PLPP4: variants seen among roughly 807,000 people sequenced by gnomAD.
PLPP4 encodes phospholipid phosphatase 4.
A neutral mutation model predicts 32.2 loss-of-function variants in PLPP4; 20 were observed. That is an observed-to-expected ratio of 0.62 (90% CI 0.44 to 0.90). PLPP4 has a LOEUF of 0.90. Among genes scored for constraint, PLPP4 ranks in the 40% least tolerant of loss-of-function variants. The pLI, the probability that PLPP4 is intolerant of heterozygous loss-of-function variation, is 0.00. For missense variants in PLPP4, 257 were observed against 353.1 expected (o/e 0.73, Z 2.18); for synonymous variants, 127 against 133.0 (o/e 0.95, Z 0.31).
intron 1 of PLPP4, among the ~76,000 whole-genome samples, chr10:120,465,140 G>C (rs984026576): frequency 6.6e-6 from 1 of 152,192 alleles, no homozygotes; most frequent in African/African-American, 2.4e-5. Flanking sequence ...TTCAATGATA[G>C]CATTTGTAAA....
intron 3 of PLPP4, among the ~76,000 whole-genome samples, chr10:120,515,317 T>C (rs978825580): frequency 1.3e-5 from 2 of 152,228 alleles, no homozygotes; most frequent in African/African-American, 4.8e-5. Flanking sequence ...GCCTTGCCTC[T>C]TCTCCTCACA....
At chr10:120,489,505 C>T (rs768630776) in intron 1 of PLPP4, among the ~76,000 whole-genome samples, 1 of 152,168 alleles carries the variant, frequency 6.6e-6, no homozygotes, top group Non-Finnish European at 1.5e-5. Flanking sequence ...TCACACTGCA[C>T]AACTGCGGTA....
intron 1 of PLPP4, among the ~76,000 whole-genome samples, chr10:120,470,333 T>G (rs927674101): frequency 6.6e-6 from 1 of 152,250 alleles, no homozygotes; most frequent in Non-Finnish European, 1.5e-5. Context: ...TTATGCCTTA[T>G]AAATACTAAT....
At chr10:120,528,073 T>TG (rs1178259794) in intron 5 of PLPP4, among the ~76,000 whole-genome samples, 20 of 130,202 alleles carry the variant, frequency 1.5e-4, no homozygotes, top group African/African-American at 5.8e-4. Context: ...CTCTCCGTTT[T>TG]TTTTTTTTTT....
chr10:120,522,118 A>T (rs1846180503), intron 5 of PLPP4, among the ~76,000 whole-genome samples: 1 of 152,198 alleles, frequency 6.6e-6, no homozygotes, highest in African/African-American at 2.4e-5. Context: ...ACCATCTTGA[A>T]TAGGACAGGC....
At chr10:120,518,585 C>T (rs1442075162) in intron 3 of PLPP4, among the ~76,000 whole-genome samples, 1 of 152,152 alleles carries the variant, frequency 6.6e-6, no homozygotes, top group Non-Finnish European at 1.5e-5. Context: ...AAATTTCAGT[C>T]AAGGAGGAGA....
intron 5 of PLPP4, among the ~76,000 whole-genome samples, chr10:120,527,663 G>A (rs1398859376): frequency 6.6e-6 from 1 of 152,076 alleles, no homozygotes; most frequent in African/African-American, 2.4e-5. Flanking sequence ...TAATGCATTC[G>A]TTGTAGAGGA....
At chr10:120,534,055 G>T (rs181733341) in intron 5 of PLPP4, among the ~76,000 whole-genome samples, 2 of 152,200 alleles carry the variant, frequency 1.3e-5, no homozygotes, top group East Asian at 1.9e-4. Flanking sequence ...AACTTTATTG[G>T]TGTTCTTTGT....
chr10:120,560,679 C>T (rs1848392312), intron 5 of PLPP4, among the ~76,000 whole-genome samples: 1 of 152,090 alleles, frequency 6.6e-6, no homozygotes, highest in Non-Finnish European at 1.5e-5. Context: ...CATTTGAACC[C>T]ATGAGGCAGA....
At chr10:120,461,375 C>T (rs989813294) in intron 1 of PLPP4, among the ~76,000 whole-genome samples, 25 of 152,192 alleles carry the variant, frequency 1.6e-4, no homozygotes, top group Admixed American at 3.3e-4. Flanking sequence ...AAGATGATGA[C>T]GATCTCATGT....
chr10:120,479,174 C>T (rs1247941850), intron 1 of PLPP4, among the ~76,000 whole-genome samples: 4 of 151,992 alleles, frequency 2.6e-5, no homozygotes, highest in East Asian at 1.9e-4. Flanking sequence ...TGCAGTGAGC[C>T]GAGACTGTGC....
At chr10:120,481,191 G>A (rs1372964066) in intron 1 of PLPP4, among the ~76,000 whole-genome samples, 3 of 152,210 alleles carry the variant, frequency 2.0e-5, no homozygotes, top group Non-Finnish European at 1.5e-5. Context: ...TACCCCTGTA[G>A]GCCATCCAGG....
rs1208159735 is a variant in PLPP4 at position 120,533,669 on chromosome 10, T to C, written c.445+12574T>C. Among the ~76,000 whole-genome samples, 6 of 152,192 alleles carry C rather than the reference T, an allele frequency of 3.9e-5. No homozygotes were observed. The South Asian group carries it at 6.2e-4, about 16-fold the overall frequency. On this transcript the variant is annotated intron_variant, in intron 5 of 6. Transcript: ENST00000398250. ...CATGCTGTTATTACTGTACATATTG[T>C]ATCTTTATATATTACAAACCCAATA...
At chr10:120,563,806 C>CAAAAAAAA (rs139746974) in intron 5 of PLPP4, among the ~76,000 whole-genome samples, 4 of 86,464 alleles carry the variant, frequency 4.6e-5, no homozygotes, top group Non-Finnish European at 6.2e-5. Flanking sequence ...GACTCCGTCT[C>CAAAAAAAA]AAAAAAAAAA....
At chr10:120,583,628 C>A (rs1192884011) in intron 6 of PLPP4, among the ~76,000 whole-genome samples, 7 of 152,220 alleles carry the variant, frequency 4.6e-5, no homozygotes, top group Admixed American at 4.6e-4. Flanking sequence ...CTGGCAACCA[C>A]TGATCTACTT....
At chr10:120,477,167 C>T (rs968447273) in intron 1 of PLPP4, among the ~76,000 whole-genome samples, 23 of 147,322 alleles carry the variant, frequency 1.6e-4, no homozygotes, top group African/African-American at 4.9e-4. Flanking sequence ...TACTTTATGC[C>T]GAAAGAGTGA....
intron 6 of PLPP4, among the ~76,000 whole-genome samples, chr10:120,588,532 C>A (rs1015901606): frequency 2.6e-5 from 4 of 152,192 alleles, no homozygotes; most frequent in African/African-American, 9.7e-5. Context: ...AAACCACTTA[C>A]CATGAGGCAG....
intron 3 of PLPP4, among the ~76,000 whole-genome samples, chr10:120,514,864 T>C (rs1425061278): frequency 6.6e-6 from 1 of 152,186 alleles, no homozygotes; most frequent in Non-Finnish European, 1.5e-5. Context: ...TTTTGGTGTG[T>C]TATATGGACT....
intron 1 of PLPP4, among the ~76,000 whole-genome samples, chr10:120,489,894 A>C (rs1844634514): frequency 6.6e-6 from 1 of 152,160 alleles, no homozygotes; most frequent in African/African-American, 2.4e-5. Context: ...TTATTTGTTC[A>C]GTCATTGATT....
Sources: allele counts gnomAD v4.1 joint callset (sites outside exome capture counted in the v4.1 genomes callset), GRCh38; gene constraint gnomAD v4.1.1; transcripts MANE v1.5; gene names NCBI Gene and HGNC (gene_info 2026-07-23, HGNC 2026-07-21).